Variants in CADM1 observed in about 807,000 individuals in gnomAD.
CADM1 encodes cell adhesion molecule 1, also known as TSLC-1.
CADM1 carries 15 observed loss-of-function variants against 53.1 expected under a neutral mutation model. The ratio of observed to expected loss-of-function variants is 0.28; its 90% CI spans 0.19 to 0.44. The LOEUF is 0.44. Ranked by LOEUF, CADM1 falls within the 20% of genes least tolerant of loss-of-function variation. CADM1 has a pLI of 1.00. For synonymous variants in CADM1, 281 were observed against 243.0 expected (o/e 1.16, Z -1.45); for missense variants, 434 against 611.3 (o/e 0.71, Z 3.06).
At chr11:115,315,573 A>C (rs10750072) in intron 1 of CADM1, among the ~76,000 whole-genome samples, 1 of 152,024 alleles carries the variant, frequency 6.6e-6, no homozygotes, top group East Asian at 1.9e-4. Context: ...CCACCTCTCC[A>C]GAAAACCTGC....
intron 1 of CADM1, among the ~76,000 whole-genome samples, chr11:115,290,264 A>G (rs990789013): frequency 5.3e-5 from 8 of 152,180 alleles, no homozygotes; most frequent in African/African-American, 1.9e-4. Context: ...ATGTTCATCT[A>G]CGTGGTCTAT....
At chr11:115,220,472 A>C (rs1321323636) in intron 5 of CADM1, among the ~76,000 whole-genome samples, 1 of 152,158 alleles carries the variant, frequency 6.6e-6, no homozygotes, top group East Asian at 1.9e-4. Flanking sequence ...TTGATAACTG[A>C]TTTTCCCAAT....
chr11:115,418,907 T>C (rs1427499714), intron 1 of CADM1, among the ~76,000 whole-genome samples: 1 of 152,070 alleles, frequency 6.6e-6, no homozygotes, highest in Non-Finnish European at 1.5e-5. Context: ...CTACTAAAGA[T>C]AAAAGATTCA....
chr11:115,373,026 T>C (rs117004472), intron 1 of CADM1, among the ~76,000 whole-genome samples: 269 of 152,336 alleles, frequency 1.8e-3, no homozygotes, highest in South Asian at 5.2e-3. Context: ...TGCTCTGATA[T>C]TTTATCAAAT....
chr11:115,268,722 C>T (rs934413248), intron 1 of CADM1, among the ~76,000 whole-genome samples: 1 of 152,150 alleles, frequency 6.6e-6, no homozygotes, highest in African/African-American at 2.4e-5. Flanking sequence ...GGATGTGCTG[C>T]GAAGCGGCTT....
chr11:115,292,615 G>A (rs1279739154), intron 1 of CADM1, among the ~76,000 whole-genome samples: 1 of 152,188 alleles, frequency 6.6e-6, no homozygotes, highest in Non-Finnish European at 1.5e-5. Context: ...ACACTTGTAT[G>A]GCATGTTATG....
At chr11:115,335,171 A>T (rs961400834) in intron 1 of CADM1, among the ~76,000 whole-genome samples, 4 of 152,162 alleles carry the variant, frequency 2.6e-5, no homozygotes, top group African/African-American at 9.6e-5. Context: ...TGTGGTTCTC[A>T]AAGTTCATAA....
intron 5 of CADM1, chr11:115,218,251 T>C: frequency 4.4e-6 from 2 of 454,992 alleles, no homozygotes; most frequent in South Asian, 4.1e-5. Context: ...GAAATACATT[T>C]TGTTACACTG....
At position 115,483,847 on chromosome 11, in the gene CADM1, T is replaced by A. The variant is rs546367947; in HGVS notation, c.124+20424A>T. Among the ~76,000 whole-genome samples the A allele has an allele frequency of 2.0e-5, 3 of 152,252 alleles. No individual in the cohort carries two copies. The East Asian group carries it at 5.8e-4, about 29-fold the overall frequency. ...TAGCCACATTTCAAGTACTAAATAG[T>A]CACACGTGACTAGTGGTTACTATAC... On this transcript the variant is annotated intron_variant, in intron 1 of 11. Transcript: ENST00000331581.
chr11:115,198,863 C>T (rs1940287875), intron 8 of CADM1, among the ~76,000 whole-genome samples: 1 of 152,184 alleles, frequency 6.6e-6, no homozygotes. Context: ...TCAAACATTG[C>T]CTTTGTTTTA....
intron 1 of CADM1, among the ~76,000 whole-genome samples, chr11:115,454,109 A>G (rs533698791): frequency 1.3e-5 from 2 of 152,212 alleles, no homozygotes; most frequent in Non-Finnish European, 2.9e-5. Flanking sequence ...TGGATTTGGA[A>G]GCAAAATTAA....
intron 5 of CADM1, among the ~76,000 whole-genome samples, chr11:115,219,213 T>C (rs1941311217): frequency 6.6e-6 from 1 of 152,160 alleles, no homozygotes; most frequent in Non-Finnish European, 1.5e-5. Context: ...CTCATTAACA[T>C]TCATCCTATG....
In CADM1 at chr11:115,175,147, ACATGCTGTTTTTC is replaced by A; in HGVS notation, c.*1314_*1326del. 1 of 985,876 alleles carries A rather than the reference ACATGCTGTTTTTC, an allele frequency of 1.0e-6. No individual in the cohort carries two copies. The highest frequency in any genetic ancestry group is 1.2e-6 in the Non-Finnish European group (1 of 829,932). The allele number at this position is 985,876 out of a possible 1,614,324, so 61.1% of individuals were successfully genotyped here. On this transcript the variant is annotated 3_prime_UTR_variant, in exon 12 of 12. Transcript: ENST00000331581. ...TTTGATTAAGTAACTGAAAATCCGTACATGCTGTTTTTCCACCTCTGCTCTGACCTATCGAGAA... is the reference window on the plus strand; with the variant it reads ...TTTGATTAAGTAACTGAAAATCCGTACACCTCTGCTCTGACCTATCGAGAA...
chr11:115,341,882 T>C (rs114607366), intron 1 of CADM1, among the ~76,000 whole-genome samples: 6 of 152,312 alleles, frequency 3.9e-5, no homozygotes, highest in South Asian at 4.1e-4. Context: ...TTAAGTCCCA[T>C]AGCAATGCAA....
chr11:115,321,131 T>C (rs1191036513), intron 1 of CADM1, among the ~76,000 whole-genome samples: 1 of 152,198 alleles, frequency 6.6e-6, no homozygotes, highest in Non-Finnish European at 1.5e-5. Flanking sequence ...GTAAGTTTTA[T>C]GCCAGCCTTC....
chr11:115,194,872 A>T (rs1231191963), intron 9 of CADM1, among the ~76,000 whole-genome samples: 1 of 152,230 alleles, frequency 6.6e-6, no homozygotes, highest in Admixed American at 6.5e-5. Flanking sequence ...AGAAGCGCCC[A>T]CATATGAACA....
chr11:115,242,056 T>C (rs987750040), intron 1 of CADM1, among the ~76,000 whole-genome samples: 3 of 141,804 alleles, frequency 2.1e-5, no homozygotes, highest in East Asian at 2.1e-4. Flanking sequence ...CACCTAGAAA[T>C]AGACCAGCCC....
rs552983328 is a variant in CADM1, at chr11:115,276,939, G to A, written c.125-36519C>T. Among the ~76,000 whole-genome samples, 17 of 152,082 alleles carry A rather than the reference G, an allele frequency of 1.1e-4. 1 individual carries two copies. In the South Asian group the frequency reaches 2.9e-3, roughly 26 times the overall value. ...AGCATCCCACTAGCTCTGCAGAAGC[G>A]GAAAAAGAAAAGTCGATCTGTGCCG... On this transcript the variant is annotated intron_variant, in intron 1 of 11. Transcript: ENST00000331581.
chr11:115,457,040 A>G (rs947945394), intron 1 of CADM1, among the ~76,000 whole-genome samples: 1 of 152,148 alleles, frequency 6.6e-6, no homozygotes, highest in African/African-American at 2.4e-5. Context: ...CAGACTTCAT[A>G]GTTACCACAT....
Sources: gnomAD v4.1 joint callset for allele counts (sites outside exome capture counted in the v4.1 genomes callset) on GRCh38, gnomAD v4.1.1 for gene constraint, MANE v1.5 for transcripts, NCBI Gene and HGNC (gene_info 2026-07-23, HGNC 2026-07-21) for gene names.